PCDH11Y: variants seen among roughly 807,000 people sequenced by gnomAD.
The protein encoded by PCDH11Y is protocadherin 11 Y-linked, also known as protocadherin-11 Y-linked.
For missense variants in PCDH11Y, 12 were observed against 224.8 expected (o/e 0.05, Z 6.05); for synonymous variants, 9 against 83.6 (o/e 0.11, Z 4.87).
At chrY:5,625,390 CTTTTTTT>C (rs1237932380) in intron 4 of PCDH11Y, among the ~76,000 whole-genome samples, 2 of 5,474 alleles carry the variant, frequency 3.7e-4, no homozygotes, top group South Asian at 3.6e-3. Context: ...ATTTTCTTTT[CTTTTTTT>C]TTTTTTTTTT....
At position 5,181,094 on chromosome Y, in the gene PCDH11Y, T is replaced by C. The variant is rs554202012; in HGVS notation, c.3129+80387T>C. Among the ~76,000 whole-genome samples the C allele has an allele frequency of 4.1e-3, 138 of 33,402 alleles. No homozygotes were observed. In the South Asian group the frequency reaches 0.088, roughly 21 times the overall value. 89.6% of individuals were successfully genotyped at this position (33,402 alleles called of 37,273 possible). On this transcript the variant is annotated intron_variant, in intron 2 of 4. Coordinates refer to the PCDH11Y transcript ENST00000400457. ...CATATTTAGTGCTTCCTTCAGGACC[T>C]CTTGCAAGGTAGGCCTGGTGGTGAT...
intron 3 of PCDH11Y, among the ~76,000 whole-genome samples, chrY:5,520,145 G>A: frequency 2.4e-4 from 7 of 28,875 alleles, no homozygotes; most frequent in Admixed American, 2.3e-3. Flanking sequence ...CTTGAACTCC[G>A]GAGGCAGAGG....
At chrY:5,510,827 G>T in intron 3 of PCDH11Y, among the ~76,000 whole-genome samples, 1 of 31,557 alleles carries the variant, frequency 3.2e-5, no homozygotes. Context: ...CACCCAGGCT[G>T]GAGTGCAGTG....
chrY:5,689,329 A>G (rs2053566260), intron 4 of PCDH11Y, among the ~76,000 whole-genome samples: 1 of 31,917 alleles, frequency 3.1e-5, no homozygotes, highest in African/African-American at 1.2e-4. Context: ...TGCAGGAGCT[A>G]TAGTACATCA....
At chrY:5,601,646 C>T in intron 4 of PCDH11Y, among the ~76,000 whole-genome samples, 1 of 32,524 alleles carries the variant, frequency 3.1e-5, no homozygotes, top group Non-Finnish European at 7.5e-5. Flanking sequence ...TACTGGAAAA[C>T]TCAAATTAGT....
At chrY:5,479,015 G>A (rs2053322892) in intron 2 of PCDH11Y, among the ~76,000 whole-genome samples, 1 of 31,904 alleles carries the variant, frequency 3.1e-5, no homozygotes, top group Non-Finnish European at 7.6e-5. Flanking sequence ...TTTAATTGGG[G>A]CATTTAACCC....
At chrY:5,017,434 G>A (rs2052562825) in intron 1 of PCDH11Y, among the ~76,000 whole-genome samples, 2 of 32,672 alleles carry the variant, frequency 6.1e-5, no homozygotes, top group East Asian at 1.6e-3. Context: ...TTTTAGTAAT[G>A]TGGTGAAAAA....
intron 2 of PCDH11Y, among the ~76,000 whole-genome samples, chrY:5,176,571 A>C: frequency 3.0e-5 from 1 of 33,223 alleles, no homozygotes; most frequent in Admixed American, 2.8e-4. Context: ...AGAGTATTCT[A>C]GCTGCAGTAG....
chrY:5,343,682 A>G, intron 2 of PCDH11Y, among the ~76,000 whole-genome samples: 2 of 31,536 alleles, frequency 6.3e-5, no homozygotes, highest in African/African-American at 2.5e-4. Context: ...CTGTGGTGCC[A>G]TCATGGGTCA....
intron 4 of PCDH11Y, among the ~76,000 whole-genome samples, chrY:5,647,201 T>A: frequency 3.0e-5 from 1 of 33,678 alleles, no homozygotes; most frequent in African/African-American, 1.2e-4. Context: ...TCTTTTAGCA[T>A]AAGGGGCATT....
chrY:5,441,062 A>G (rs2053281584), intron 2 of PCDH11Y, among the ~76,000 whole-genome samples: 1 of 32,491 alleles, frequency 3.1e-5, no homozygotes, highest in Admixed American at 2.9e-4. Context: ...ATAAATAATT[A>G]TAAAACATTC....
At chrY:5,497,335 A>T in intron 2 of PCDH11Y, among the ~76,000 whole-genome samples, 1 of 33,431 alleles carries the variant, frequency 3.0e-5, no homozygotes, top group Non-Finnish European at 7.4e-5. Context: ...AATGATCGCC[A>T]TTCTAATTGG....
chrY:5,704,666 T>C, intron 4 of PCDH11Y, among the ~76,000 whole-genome samples: 1 of 31,493 alleles, frequency 3.2e-5, no homozygotes, highest in African/African-American at 1.2e-4. Flanking sequence ...CCTGACCTCA[T>C]GATCCACCCG....
chrY:5,166,254 GA>G (rs2052879204), intron 2 of PCDH11Y, among the ~76,000 whole-genome samples: 1 of 32,002 alleles, frequency 3.1e-5, no homozygotes, highest in Non-Finnish European at 7.8e-5. Context: ...AAATCCAAAA[GA>G]AAAAAAGAAA....
At chrY:5,189,487 T>C (rs2052909908) in intron 2 of PCDH11Y, among the ~76,000 whole-genome samples, 1 of 32,522 alleles carries the variant, frequency 3.1e-5, no homozygotes, top group South Asian at 6.8e-4. Flanking sequence ...GGGTACGGGC[T>C]TCAACACTTA....
intron 2 of PCDH11Y, among the ~76,000 whole-genome samples, chrY:5,450,931 G>GT (rs2053292612): frequency 2.4e-4 from 7 of 29,655 alleles, no homozygotes; most frequent in South Asian, 7.6e-4. Flanking sequence ...GCAACATAAG[G>GT]TTTTTTTTTT....
chrY:5,168,842 G>A, intron 2 of PCDH11Y, among the ~76,000 whole-genome samples: 1 of 27,221 alleles, frequency 3.7e-5, no homozygotes, highest in Admixed American at 3.7e-4. Flanking sequence ...CTAGAGTGCC[G>A]TGTTAATTCC....
At chrY:5,111,640 C>T in intron 2 of PCDH11Y, among the ~76,000 whole-genome samples, 1 of 33,775 alleles carries the variant, frequency 3.0e-5, no homozygotes, top group Non-Finnish European at 7.4e-5. Context: ...AAGAGTTTTA[C>T]ATGCTATATA....
At chrY:5,494,844 C>T (rs2053342583) in intron 2 of PCDH11Y, among the ~76,000 whole-genome samples, 2 of 31,861 alleles carry the variant, frequency 6.3e-5, no homozygotes, top group Non-Finnish European at 1.5e-4. Context: ...GTTAGGAGTT[C>T]GAGACCAGCC....
Sources: gnomAD v4.1 joint callset for allele counts (sites outside exome capture counted in the v4.1 genomes callset) on GRCh38, gnomAD v4.1.1 for gene constraint, MANE v1.5 for transcripts, NCBI Gene and HGNC (gene_info 2026-07-23, HGNC 2026-07-21) for gene names.